DNAJC15: variants seen among roughly 807,000 people sequenced by gnomAD.
The protein encoded by DNAJC15 is dnaJ homolog subfamily C member 15.
DNAJC15 carries 27 observed loss-of-function variants against 22.4 expected under a neutral mutation model. The ratio of observed to expected loss-of-function variants is 1.20; its 90% CI spans 0.89 to 1.66. The LOEUF is 1.66. DNAJC15 is among the 40% of genes most tolerant of loss of function. The pLI is 0.00. For missense variants in DNAJC15, 208 were observed against 187.1 expected (o/e 1.11, Z -0.65); for synonymous variants, 79 against 63.2 (o/e 1.25, Z -1.19).
intron 5 of DNAJC15, among the ~76,000 whole-genome samples, chr13:43,094,527 G>A (rs763937321): frequency 3.3e-5 from 5 of 152,204 alleles, no homozygotes; most frequent in Non-Finnish European, 7.3e-5. Context: ...GTCCCTATGC[G>A]TGGCAGGTTC....
At chr13:43,080,978 A>G (rs899602828) in intron 4 of DNAJC15, among the ~76,000 whole-genome samples, 4 of 152,206 alleles carry the variant, frequency 2.6e-5, no homozygotes, top group Middle Eastern at 3.2e-3. Context: ...TGTAGACTAT[A>G]TAACAGGTAG....
At chr13:43,030,735 G>A (rs1482527366) in intron 1 of DNAJC15, among the ~76,000 whole-genome samples, 1 of 152,172 alleles carries the variant, frequency 6.6e-6, no homozygotes, top group Non-Finnish European at 1.5e-5. Flanking sequence ...CTCAGACTGG[G>A]AACTCCCCAG....
At chr13:43,045,501 A>C (rs2040472977) in intron 1 of DNAJC15, among the ~76,000 whole-genome samples, 1 of 152,208 alleles carries the variant, frequency 6.6e-6, no homozygotes, top group African/African-American at 2.4e-5. Context: ...TGAGCAATCT[A>C]GGGGATATGT....
At chr13:43,097,975 G>A (rs1224116761) in intron 5 of DNAJC15, among the ~76,000 whole-genome samples, 1 of 152,060 alleles carries the variant, frequency 6.6e-6, no homozygotes, top group Non-Finnish European at 1.5e-5. Flanking sequence ...TATTTTGAAG[G>A]AACACCCAAC....
chr13:43,052,233 G>C (rs113550268), intron 1 of DNAJC15, among the ~76,000 whole-genome samples: 1 of 152,000 alleles, frequency 6.6e-6, no homozygotes, highest in Non-Finnish European at 1.5e-5. Flanking sequence ...AAAGTGCTGG[G>C]ATTACAGGTG....
In DNAJC15 at chr13:43,112,739, A is replaced by G. The variant is rs1288012227; in HGVS notation, c.*5491A>G. 6.6e-6 allele frequency: 1 copy of G among 152,228 alleles called. No homozygotes were observed. Among genetic ancestry groups the G allele is most frequent in the Non-Finnish European group, 1.5e-5 (1 of 68,048 alleles). 9.4% of individuals were successfully genotyped at this position (152,228 alleles called of 1,614,324 possible). ...GGAGTTTAGGATCTTTTCCAAGATT[A>G]CATAGCCAGTAAGTGGTGGCACTAG... On this transcript the variant is annotated 3_prime_UTR_variant, in exon 6 of 6. Transcript: ENST00000379221.
chr13:43,071,269 C>T (rs2040607309), intron 3 of DNAJC15, among the ~76,000 whole-genome samples: 1 of 152,156 alleles, frequency 6.6e-6, no homozygotes, highest in Non-Finnish European at 1.5e-5. Context: ...ATATGACCTG[C>T]TCCCTCATCT....
rs1035054211 is a variant in DNAJC15 at position 43,112,269 on chromosome 13, C to G, written c.*5021C>G. Reference sequence around the variant, plus strand: ...TCTTCCTGCCATAATAACCCTTTCCCTCTCTGTTCGATTCAACAGTATCTA... The same window carrying G: ...TCTTCCTGCCATAATAACCCTTTCCGTCTCTGTTCGATTCAACAGTATCTA... On this transcript the variant is annotated 3_prime_UTR_variant, in exon 6 of 6. Coordinates refer to ENST00000379221, the MANE Select transcript of DNAJC15 (RefSeq NM_013238.3). 3.3e-5 allele frequency: 5 copies of G among 152,336 alleles called. No individual in the cohort carries two copies. In the East Asian group the frequency reaches 9.6e-4, roughly 29 times the overall value. The allele number at this position is 152,336 out of a possible 1,614,324, so 9.4% of individuals were successfully genotyped here. A position where few individuals can be genotyped will look rare whatever the true frequency, so the allele number is the denominator to read the frequency against.
chr13:43,092,840 G>A (rs879478181), intron 5 of DNAJC15, among the ~76,000 whole-genome samples: 7 of 152,158 alleles, frequency 4.6e-5, no homozygotes, highest in Admixed American at 2.0e-4. Context: ...CTTAAGCCTG[G>A]GAGATGGAGG....
At chr13:43,097,190 C>G (rs978664772) in intron 5 of DNAJC15, among the ~76,000 whole-genome samples, 1 of 152,116 alleles carries the variant, frequency 6.6e-6, no homozygotes, top group East Asian at 1.9e-4. Flanking sequence ...TTACTTATAG[C>G]CTTCTTAGAA....
chr13:43,089,172 A>C (rs1593328230), intron 5 of DNAJC15, among the ~76,000 whole-genome samples: 1 of 152,246 alleles, frequency 6.6e-6, no homozygotes, highest in East Asian at 1.9e-4. Flanking sequence ...TAACTAATAC[A>C]TTAAATAATT....
chr13:43,023,800 A>ACTCCCCCGTACTCAC (rs1689005794), intron 1 of DNAJC15, 66 bp downstream of exon 1: 1 of 1,398,862 alleles, frequency 7.1e-7, no homozygotes, highest in African/African-American at 1.4e-5. Context: ...AGCCCCCTCT[A>ACTCCCCCGTACTCAC]CCGCCTCACC....
chr13:43,063,587 T>C (rs1255873927), intron 1 of DNAJC15, among the ~76,000 whole-genome samples: 1 of 152,218 alleles, frequency 6.6e-6, no homozygotes, highest in African/African-American at 2.4e-5. Flanking sequence ...TTCATATGTT[T>C]TAGCCATTTA....
At position 43,111,354 on chromosome 13, in the gene DNAJC15, C is replaced by T. The variant is rs1257062831; in HGVS notation, c.*4106C>T. On this transcript the variant is annotated 3_prime_UTR_variant, in exon 6 of 6. Coordinates refer to ENST00000379221, the MANE Select transcript of DNAJC15 (RefSeq NM_013238.3). The stretch of plus-strand genomic sequence containing the variant: ...TAAACAGGAAACTTTTTCCTTCATA[C>T]TTTTTAATTAACAAGACATATAAGA... 1 of 152,092 alleles carries T rather than the reference C, an allele frequency of 6.6e-6. No homozygotes were observed. The highest frequency in any genetic ancestry group is 1.5e-5 in the Non-Finnish European group (1 of 68,026). The allele number at this position is 152,092 out of a possible 1,614,324, so 9.4% of individuals were successfully genotyped here. A position where few individuals can be genotyped will look rare whatever the true frequency, so the allele number is the denominator to read the frequency against.
At chr13:43,104,863 A>AT (rs2040788701) in intron 5 of DNAJC15, among the ~76,000 whole-genome samples, 1 of 150,492 alleles carries the variant, frequency 6.6e-6, no homozygotes, top group East Asian at 2.0e-4. Flanking sequence ...TAATTTTTTA[A>AT]TTTTTTGTAG....
At chr13:43,103,568 A>G (rs1240879090) in intron 5 of DNAJC15, among the ~76,000 whole-genome samples, 2 of 152,170 alleles carry the variant, frequency 1.3e-5, no homozygotes, top group Non-Finnish European at 2.9e-5. Flanking sequence ...CTAGCACATG[A>G]TCAGTTACAG....
intron 4 of DNAJC15, among the ~76,000 whole-genome samples, chr13:43,079,450 C>T (rs947638358): frequency 6.6e-6 from 1 of 151,964 alleles, no homozygotes; most frequent in Non-Finnish European, 1.5e-5. Context: ...TATGACCTAG[C>T]AGAAAAAACA....
chr13:43,112,342 T>C lies in DNAJC15; in HGVS notation c.*5094T>C, dbSNP rs1216705514. The C allele has an allele frequency of 6.6e-6, 1 of 152,240 alleles. No homozygotes were observed. Among genetic ancestry groups the C allele is most frequent in the Non-Finnish European group, 1.5e-5 (1 of 68,044 alleles). 9.4% of individuals were successfully genotyped at this position (152,240 alleles called of 1,614,324 possible). A position where few individuals can be genotyped will look rare whatever the true frequency, so the allele number is the denominator to read the frequency against. ...GTCTGAACAGACTATATTACATAGA[T>C]GTAGAGAAATACTCAATCTTCAGCA... On this transcript the variant is annotated 3_prime_UTR_variant, in exon 6 of 6. Coordinates refer to ENST00000379221, the MANE Select transcript of DNAJC15 (RefSeq NM_013238.3).
intron 1 of DNAJC15, among the ~76,000 whole-genome samples, chr13:43,052,776 T>C (rs1198335902): frequency 6.6e-6 from 1 of 152,158 alleles, no homozygotes; most frequent in Non-Finnish European, 1.5e-5. Context: ...TTGAGTTTCT[T>C]GTAGATAGTG....
Sources: gnomAD v4.1 joint callset for allele counts (sites outside exome capture counted in the v4.1 genomes callset) on GRCh38, gnomAD v4.1.1 for gene constraint, MANE v1.5 for transcripts, NCBI Gene and HGNC (gene_info 2026-07-23, HGNC 2026-07-21) for gene names.